Variants in ZDHHC21 observed in about 807,000 individuals in gnomAD.
ZDHHC21 encodes the protein zDHHC palmitoyltransferase 21, also known as palmitoyltransferase ZDHHC21.
A neutral mutation model predicts 34.6 loss-of-function variants in ZDHHC21; 15 were observed. That is an observed-to-expected ratio of 0.43 (90% CI 0.29 to 0.67). The LOEUF (loss-of-function observed/expected upper bound fraction) is 0.67, where lower values mean the gene tolerates loss of function less well. ZDHHC21 is among the 30% of genes least tolerant of loss of function. The probability of loss-of-function intolerance (pLI) is 0.14; values close to 1 mark genes in which losing one functional copy is unlikely to be tolerated. For missense variants in ZDHHC21, 344 were observed against 327.7 expected, an observed-to-expected ratio of 1.05 and a Z score of -0.38; for synonymous variants, 142 against 101.8, an observed-to-expected ratio of 1.40 and a Z score of -2.38.
chr9:14,596,968 G>A, the ZDHHC21 span, among the ~76,000 whole-genome samples: 6 of 152,248 alleles, frequency 3.9e-5, no homozygotes, highest in South Asian at 6.2e-4. Flanking sequence ...CTCAAAGCCA[G>A]GAGAAACTTT....
chr9:14,683,776 G>A (rs886619509), intron 2 of ZDHHC21: 11 of 152,200 alleles, frequency 7.2e-5, no homozygotes, highest in African/African-American at 1.7e-4. Context: ...CAATATCCCT[G>A]ATGTACATCG....
intron 5 of ZDHHC21, among the ~76,000 whole-genome samples, 163 bp downstream of exon 5, chr9:14,672,667 T>C (rs1249115121): frequency 6.6e-6 from 1 of 151,752 alleles, no homozygotes; most frequent in Non-Finnish European, 1.5e-5. Flanking sequence ...GGGAGCAGGG[T>C]TGCAATTTTA....
intron 3 of ZDHHC21, among the ~76,000 whole-genome samples, chr9:14,676,930 G>A (rs1183610931): frequency 6.6e-6 from 1 of 151,642 alleles, no homozygotes; most frequent in East Asian, 1.9e-4. Context: ...GTTCTATTCA[G>A]GACTAAAAAC....
rs1011803161 is a variant in ZDHHC21, at chr9:14,617,645, A to T, written c.*1321T>A. 1 of 152,016 alleles carries T rather than the reference A, an allele frequency of 6.6e-6. No individual in the cohort carries two copies. Among genetic ancestry groups the T allele is most frequent in the Non-Finnish European group, 1.5e-5 (1 of 67,936 alleles). The allele number at this position is 152,016 out of a possible 1,614,324, so 9.4% of individuals were successfully genotyped here. ...GTTTTGCAGTATTCTAATGGAAAAA[A>T]ACTAAAAGCTGAGTTTTTTTCAAAG... On this transcript the variant is annotated 3_prime_UTR_variant, in exon 10 of 10. Coordinates refer to ENST00000380916, the MANE Select transcript of ZDHHC21 (RefSeq NM_178566.6).
At chr9:14,662,096 A>G (rs1833502071) in intron 6 of ZDHHC21, 119 bp downstream of exon 6, 1 of 582,898 alleles carries the variant, frequency 1.7e-6, no homozygotes, top group African/African-American at 1.9e-5. Context: ...AGATATCCTT[A>G]TTAAGATATT....
At chr9:14,604,264 T>C in the ZDHHC21 span, among the ~76,000 whole-genome samples, 1 of 152,254 alleles carries the variant, frequency 6.6e-6, no homozygotes, top group South Asian at 2.1e-4. Context: ...AACAAGTTAA[T>C]AACAAAGGAA....
At chr9:14,608,984 A>G (rs576435473), downstream of ZDHHC21, among the ~76,000 whole-genome samples, 7 of 152,290 alleles carry the variant, frequency 4.6e-5, 1 homozygote, top group South Asian at 1.4e-3. Context: ...ACAGATACAC[A>G]TTCCAATTAT....
intron 2 of ZDHHC21, among the ~76,000 whole-genome samples, chr9:14,687,363 T>A (rs62539798): frequency 0.32 from 48,232 of 150,380 alleles, 8,522 homozygotes; most frequent in South Asian, 0.4. Context: ...TGAAATCTCA[T>A]CTATGTGGTA....
At chr9:14,686,171 T>G (rs1018785039) in intron 2 of ZDHHC21, among the ~76,000 whole-genome samples, 1 of 151,960 alleles carries the variant, frequency 6.6e-6, no homozygotes, top group Non-Finnish European at 1.5e-5. Flanking sequence ...ACCTGCATGT[T>G]GTGCACATGT....
chr9:14,655,121 G>T (rs1365128614), intron 7 of ZDHHC21, among the ~76,000 whole-genome samples: 2 of 151,894 alleles, frequency 1.3e-5, no homozygotes, highest in African/African-American at 4.8e-5. Context: ...AACAGCTAAA[G>T]AAAAACATAT....
intron 5 of ZDHHC21, among the ~76,000 whole-genome samples, chr9:14,667,793 T>C (rs1458603470): frequency 2.1e-5 from 1 of 48,136 alleles, no homozygotes; most frequent in Non-Finnish European, 4.3e-5. Flanking sequence ...TTTGACAAAA[T>C]TCAACAACCC....
rs1257540269 is a variant in ZDHHC21, at chr9:14,680,173, T to C, written c.-175-11A>G. 1 of 152,450 alleles carries C rather than the reference T, an allele frequency of 6.6e-6. No individual in the cohort carries two copies. Among genetic ancestry groups the C allele is most frequent in the Non-Finnish European group, 1.5e-5 (1 of 67,994 alleles). 9.4% of individuals were successfully genotyped at this position (152,450 alleles called of 1,614,324 possible). Reference sequence around the variant, plus strand: ...GTTCTCCATGAGAACCTATTCATGGTTTAACAAACAATGATTTCTCACAAA... The same window carrying C: ...GTTCTCCATGAGAACCTATTCATGGCTTAACAAACAATGATTTCTCACAAA... On this transcript the variant is annotated splice_polypyrimidine_tract_variant and intron_variant, in intron 2 of 9. Coordinates refer to ENST00000380916, the MANE Select transcript of ZDHHC21 (RefSeq NM_178566.6).
intron 3 of ZDHHC21, among the ~76,000 whole-genome samples, chr9:14,678,618 G>C (rs979016538): frequency 1.3e-5 from 2 of 152,076 alleles, no homozygotes; most frequent in African/African-American, 2.4e-5. Context: ...CAATTTGGCA[G>C]TATGTATCAA....
downstream of ZDHHC21, among the ~76,000 whole-genome samples, chr9:14,606,746 A>T (rs1201437127): frequency 1.3e-5 from 2 of 152,174 alleles, no homozygotes; most frequent in Non-Finnish European, 2.9e-5. Context: ...TAAATAGATT[A>T]AAAAATAATA....
chr9:14,606,186 T>A (rs1045742626), downstream of ZDHHC21, among the ~76,000 whole-genome samples: 1 of 152,168 alleles, frequency 6.6e-6, no homozygotes, highest in African/African-American at 2.4e-5. Context: ...TCCCATCCTA[T>A]ATACTTTTCC....
chr9:14,626,136 T>A (rs1408753004), intron 8 of ZDHHC21, among the ~76,000 whole-genome samples: 1 of 152,024 alleles, frequency 6.6e-6, no homozygotes, highest in African/African-American at 2.4e-5. Flanking sequence ...TATACTTTGA[T>A]AAGATTTTTG....
At chr9:14,637,629 A>T (rs1199220095) in intron 8 of ZDHHC21, among the ~76,000 whole-genome samples, 1 of 151,956 alleles carries the variant, frequency 6.6e-6, no homozygotes, top group East Asian at 1.9e-4. Flanking sequence ...ATCAAGAAAA[A>T]CCTAAAGGCT....
intron 8 of ZDHHC21, among the ~76,000 whole-genome samples, chr9:14,620,543 C>T (rs375920960): frequency 7.7e-6 from 1 of 129,842 alleles, no homozygotes; most frequent in South Asian, 2.8e-4. Context: ...TACCTTAACA[C>T]TTTGTTTATA....
chr9:14,679,363 C>T (rs144554143), intron 3 of ZDHHC21, among the ~76,000 whole-genome samples: 149 of 152,200 alleles, frequency 9.8e-4, no homozygotes, highest in Non-Finnish European at 8.5e-4. Context: ...CAAAATTCTT[C>T]CAATGCTTCT....
Sources: allele counts gnomAD v4.1 joint callset (sites outside exome capture counted in the v4.1 genomes callset), GRCh38; gene constraint gnomAD v4.1.1; transcripts MANE v1.5; gene names NCBI Gene and HGNC (gene_info 2026-07-23, HGNC 2026-07-21).